FREM3: variants seen among roughly 807,000 people sequenced by gnomAD.
FREM3 encodes FRAS1-related extracellular matrix protein 3.
In FREM3, 105 loss-of-function variants were observed where a neutral mutation model predicts 129.1. The ratio of observed to expected loss-of-function variants is 0.81; its 90% CI spans 0.69 to 0.96. The LOEUF (loss-of-function observed/expected upper bound fraction) is 0.96, where lower values mean the gene tolerates loss of function less well. Ranked by LOEUF, FREM3 falls within the 40% of genes least tolerant of loss-of-function variation. The probability of loss-of-function intolerance (pLI) is 0.00; values close to 1 mark genes in which losing one functional copy is unlikely to be tolerated. For missense variants in FREM3, 2,593 were observed against 2,666.3 expected, an observed-to-expected ratio of 0.97 and a Z score of 0.61; for synonymous variants, 1,014 against 1,044.9, an observed-to-expected ratio of 0.97 and a Z score of 0.57.
At chr4:143,650,166 G>A (rs1192786725) in intron 2 of FREM3, among the ~76,000 whole-genome samples, 1 of 152,182 alleles carries the variant, frequency 6.6e-6, no homozygotes, top group East Asian at 1.9e-4. Context: ...AATAGTGTGT[G>A]AAATTCTCTC....
chr4:143,591,741 A>G lies in FREM3; in HGVS notation c.6029-5748T>C, dbSNP rs1380805349. ...GTTGATTTGGGGTGGAGAGTTCTGT[A>G]GATGTCTATGAGGTCCACTTGGTGC... On this transcript the variant is annotated intron_variant, in intron 6 of 7. Coordinates refer to ENST00000329798, the MANE Select transcript of FREM3 (RefSeq NM_001168235.2). 1.1e-4 allele frequency among the ~76,000 whole-genome samples: 17 copies of G among 152,296 alleles called. No homozygotes were observed. The South Asian group carries it at 1.4e-3, about 13-fold the overall frequency.
In FREM3 at chr4:143,698,756, T is replaced by C; in HGVS notation, c.1920A>G (p.Lys640=). The change falls in exon 1 of 8, where the codon AAA becomes AAG. Residue 640 remains lysine (K), a synonymous_variant. Transcript: ENST00000329798. ...HYMEKEGLYE[K]VVTEWLQRDI... is the part of the protein sequence containing the mutation. Reference sequence around the variant, plus strand: ...CTCTCTGTAGCCACTCAGTCACCACTTTCTCATAAAGCCCTTCCTTTTCCA... The same window carrying C: ...CTCTCTGTAGCCACTCAGTCACCACCTTCTCATAAAGCCCTTCCTTTTCCA... 6.5e-7 allele frequency: 1 copy of C among 1,537,482 alleles called. No homozygotes were observed. Among genetic ancestry groups the C allele is most frequent in the South Asian group, 1.2e-5 (1 of 84,054 alleles).
intron 2 of FREM3, among the ~76,000 whole-genome samples, chr4:143,667,763 C>T (rs1739890074): frequency 6.6e-6 from 1 of 152,170 alleles, no homozygotes; most frequent in Non-Finnish European, 1.5e-5. Flanking sequence ...AAGAGGATGT[C>T]TAGCTCCTTG....
chr4:143,606,358 T>C (rs532731731), intron 6 of FREM3, among the ~76,000 whole-genome samples: 2 of 143,914 alleles, frequency 1.4e-5, no homozygotes, highest in South Asian at 4.5e-4. Flanking sequence ...TACTATATTA[T>C]GGAATATAGT....
In FREM3 at chr4:143,627,646, C is replaced by A. The variant is rs201583533; in HGVS notation, c.5390G>T (p.Arg1797Leu). Residue 1797 changes from arginine (R) to leucine (L), a missense_variant, in exon 3 of 8, where the codon CGC (arginine) becomes CTC (leucine). Physicochemically the swap from Arg to Leu is moderately radical, Grantham distance 102 (BLOSUM62 -2). Around this residue, in one of 2 missense-constraint regions of FREM3, gnomAD observed 2,276 missense variants for 2,267.2 expected, o/e 1.00. Coordinates refer to ENST00000329798, the MANE Select transcript of FREM3 (RefSeq NM_001168235.2). ...DSTFLEVTLTRRGYLGETSFI... is the reference protein window; with the variant it reads ...DSTFLEVTLTLRGYLGETSFI... ...TGATGTTTCTCCAAGGTATCCTCTG[C>A]GTGTAAGGGTCACTTCTAAGAATGT... The A allele has an allele frequency of 1.2e-5, 19 of 1,535,734 alleles. No individual in the cohort carries two copies. In the South Asian group the frequency reaches 2.3e-4, roughly 18 times the overall value.
chr4:143,656,855 G>A (rs538734469), intron 2 of FREM3, among the ~76,000 whole-genome samples: 73 of 152,114 alleles, frequency 4.8e-4, no homozygotes, highest in African/African-American at 1.6e-3. Context: ...GATATAGTAT[G>A]TATTTTCATG....
intron 7 of FREM3, among the ~76,000 whole-genome samples, chr4:143,581,005 C>T (rs1738133193): frequency 6.6e-6 from 1 of 152,188 alleles, no homozygotes; most frequent in African/African-American, 2.4e-5. Flanking sequence ...GACAGAGCTC[C>T]CAGAAGTAGC....
chr4:143,658,760 C>T (rs1419069496), intron 2 of FREM3, among the ~76,000 whole-genome samples: 2 of 152,180 alleles, frequency 1.3e-5, no homozygotes, highest in South Asian at 2.1e-4. Context: ...TTATGTGTGG[C>T]CCAAGACAAT....
At chr4:143,666,528 C>T (rs566751592) in intron 2 of FREM3, among the ~76,000 whole-genome samples, 2 of 152,214 alleles carry the variant, frequency 1.3e-5, no homozygotes, top group Non-Finnish European at 2.9e-5. Flanking sequence ...ATGATATGTA[C>T]ATACAACGGA....
intron 5 of FREM3, among the ~76,000 whole-genome samples, chr4:143,612,658 T>A (rs13145166): frequency 1.3e-5 from 2 of 152,086 alleles, no homozygotes; most frequent in South Asian, 4.1e-4. Flanking sequence ...GAATAAATAC[T>A]TAAGAGTAGG....
intron 2 of FREM3, among the ~76,000 whole-genome samples, chr4:143,687,049 TTTTTCAAAGATATTATCTTTG>T (rs1419374723): frequency 2.0e-5 from 3 of 151,968 alleles, no homozygotes; most frequent in African/African-American, 7.2e-5. Context: ...AAAATATATT[TTTTTCAAAGATATTATCTTTG>T]AAAAGATAAA....
At chr4:143,629,153 A>G (rs911611921) in intron 2 of FREM3, among the ~76,000 whole-genome samples, 1 of 152,190 alleles carries the variant, frequency 6.6e-6, no homozygotes, top group African/African-American at 2.4e-5. Context: ...GCTGCCACCC[A>G]GGGACCTCCA....
At chr4:143,654,124 A>G (rs929832963) in intron 2 of FREM3, among the ~76,000 whole-genome samples, 2 of 152,210 alleles carry the variant, frequency 1.3e-5, no homozygotes, top group African/African-American at 2.4e-5. Context: ...TATTTTTGAG[A>G]CGGAGTCTCA....
At chr4:143,676,680 C>T (rs1740135630) in intron 2 of FREM3, among the ~76,000 whole-genome samples, 1 of 152,294 alleles carries the variant, frequency 6.6e-6, no homozygotes, top group East Asian at 1.9e-4. Flanking sequence ...AGCTGATAAG[C>T]AACTTCAGCA....
At chr4:143,629,742 G>A (rs1435315924) in intron 2 of FREM3, among the ~76,000 whole-genome samples, 1 of 151,936 alleles carries the variant, frequency 6.6e-6, no homozygotes, top group Admixed American at 6.6e-5. Context: ...ACAGAGTATG[G>A]CAAATATTAA....
chr4:143,653,553 A>C (rs1334400218), intron 2 of FREM3, among the ~76,000 whole-genome samples: 1 of 152,228 alleles, frequency 6.6e-6, no homozygotes, highest in Admixed American at 6.5e-5. Flanking sequence ...GCACATGTGT[A>C]AACCTAAACA....
chr4:143,684,311 T>C (rs1248493373), intron 2 of FREM3, among the ~76,000 whole-genome samples: 1 of 152,060 alleles, frequency 6.6e-6, no homozygotes, highest in South Asian at 2.1e-4. Flanking sequence ...GAGAGACCCA[T>C]AGATGGTTCA....
rs201242801 is a variant in FREM3, at chr4:143,697,677, T to C, written c.2999A>G (p.Asn1000Ser). Residue 1000 changes from asparagine (N) to serine (S), a missense_variant, in exon 1 of 8, where the codon AAT (asparagine) becomes AGT (serine). Around this residue, in one of 2 missense-constraint regions of FREM3, gnomAD observed 2,276 missense variants for 2,267.2 expected, o/e 1.00. Coordinates refer to ENST00000329798, the MANE Select transcript of FREM3 (RefSeq NM_001168235.2). ...DSPKLGTILV[N>S]GLPTERFTQE... ...GGTGAATCGTTCTGTGGGCAAACCA[T>C]TTACCAGAATAGTGCCCAGTTTGGG... 1.3e-6 allele frequency: 2 copies of C among 1,537,840 alleles called. No homozygotes were observed. Among genetic ancestry groups the C allele is most frequent in the Non-Finnish European group, 1.7e-6 (2 of 1,147,056 alleles).
At chr4:143,670,535 A>G (rs979058756) in intron 2 of FREM3, among the ~76,000 whole-genome samples, 1 of 152,164 alleles carries the variant, frequency 6.6e-6, no homozygotes, top group Non-Finnish European at 1.5e-5. Flanking sequence ...AAAGCAAACA[A>G]AAACAGCTTT....
Sources: allele counts gnomAD v4.1 joint callset (sites outside exome capture counted in the v4.1 genomes callset), GRCh38; gene constraint gnomAD v4.1.1; regional missense constraint gnomAD v4.1.1; transcripts MANE v1.5; gene names NCBI Gene and HGNC (gene_info 2026-07-23, HGNC 2026-07-21).